Variants in DLGAP2 observed in about 807,000 individuals in gnomAD.
DLGAP2 encodes the protein disks large-associated protein 2.
In DLGAP2, 26 loss-of-function variants were observed where a neutral mutation model predicts 100.3. The observed-to-expected ratio is 0.26, with a 90% CI of 0.19 to 0.36. The LOEUF is 0.36. Ranked by LOEUF, DLGAP2 falls within the 10% of genes least tolerant of loss-of-function variation. DLGAP2 has a pLI of 1.00. For synonymous variants in DLGAP2, 886 were observed against 630.1 expected, an observed-to-expected ratio of 1.41 and a Z score of -6.08; for missense variants, 1,858 against 1,453.2, an observed-to-expected ratio of 1.28 and a Z score of -4.53.
Position 958,372 on chromosome 8 carries a change from G to A in DLGAP2, c.73+50406G>A, listed in dbSNP as rs572836702. Among the ~76,000 whole-genome samples, 46 of 152,190 alleles carry A rather than the reference G, an allele frequency of 3.0e-4. No homozygotes were observed. The Middle Eastern group carries it at 0.01, about 34-fold the overall frequency. ...AGTGGACACTGGGGCATGAGTATGC[G>A]TGCAGGTCCCAGTCTTCCCCTCCGT... is the stretch of plus-strand genomic sequence containing the variant. On this transcript the variant is annotated intron_variant, in intron 2 of 14. Coordinates refer to ENST00000637795, the MANE Select transcript of DLGAP2 (RefSeq NM_001346810.2).
intron 2 of DLGAP2, among the ~76,000 whole-genome samples, chr8:1,044,324 G>C (rs1382768500): frequency 6.6e-6 from 1 of 152,202 alleles, no homozygotes; most frequent in Non-Finnish European, 1.5e-5. Context: ...GCAAAACTCA[G>C]CCGTCTGTGA....
At chr8:1,276,841 C>A (rs76786040) in intron 3 of DLGAP2, among the ~76,000 whole-genome samples, 3,190 of 152,248 alleles carry the variant, frequency 0.021, 113 homozygotes, top group African/African-American at 0.074. Flanking sequence ...AAGACGTTAT[C>A]ATTTTCTCAC....
At chr8:1,218,448 G>T (rs1165782968) in intron 2 of DLGAP2, among the ~76,000 whole-genome samples, 1 of 151,978 alleles carries the variant, frequency 6.6e-6, no homozygotes, top group Non-Finnish European at 1.5e-5. Context: ...ATTGGTCTAT[G>T]TGTCTGGGTT....
chr8:1,540,756 C>A (rs1479919712), intron 4 of DLGAP2, among the ~76,000 whole-genome samples: 1 of 152,220 alleles, frequency 6.6e-6, no homozygotes, highest in African/African-American at 2.4e-5. Context: ...TCAGAAGCTG[C>A]CTGTACCTTC....
chr8:784,848 C>G (rs1020577916), intron 1 of DLGAP2, among the ~76,000 whole-genome samples: 2 of 152,114 alleles, frequency 1.3e-5, no homozygotes, highest in Non-Finnish European at 2.9e-5. Context: ...TGTTCTTTTT[C>G]TAGTTTGTAA....
intron 3 of DLGAP2, among the ~76,000 whole-genome samples, chr8:1,496,429 C>G (rs73672740): frequency 0.02 from 3,085 of 152,212 alleles, 90 homozygotes; most frequent in African/African-American, 0.069. Flanking sequence ...GTTGATGATG[C>G]AGCCACCTGG....
At chr8:1,593,529 G>T (rs535379293) in intron 6 of DLGAP2, among the ~76,000 whole-genome samples, 3 of 152,140 alleles carry the variant, frequency 2.0e-5, no homozygotes, top group African/African-American at 7.2e-5. Flanking sequence ...CTGCACCTTG[G>T]GAAAATACAA....
rs1024838339 is a variant in DLGAP2 at position 1,501,443 on chromosome 8, A to G, written c.172+12A>G. 7 of 1,535,454 alleles carry G rather than the reference A, an allele frequency of 4.6e-6. No individual in the cohort carries two copies. The highest frequency in any genetic ancestry group is 4.1e-5 in the African/African-American group (3 of 73,030). ...AGAGGAGGATCTAGGTAGAGTACAG[A>G]CGTCAGCCCCGCTCTGGCGGGGCCC... On this transcript the variant is annotated intron_variant, in intron 4 of 14. Coordinates refer to ENST00000637795, the MANE Select transcript of DLGAP2 (RefSeq NM_001346810.2).
intron 3 of DLGAP2, among the ~76,000 whole-genome samples, chr8:1,442,737 C>A (rs1437688920): frequency 3.4e-5 from 5 of 148,120 alleles, no homozygotes; most frequent in African/African-American, 1.3e-4. Flanking sequence ...CGCCAGGCTG[C>A]TGTGGGTTCA....
chr8:1,073,036 A>T (rs1803483944), intron 2 of DLGAP2, among the ~76,000 whole-genome samples: 1 of 152,178 alleles, frequency 6.6e-6, no homozygotes, highest in Admixed American at 6.5e-5. Context: ...CTCTGATCTT[A>T]TGTTGTCACA....
rs111622004 is a variant in DLGAP2, at chr8:1,131,808, A to G, written c.74-127043A>G. On this transcript the variant is annotated intron_variant, in intron 2 of 14. Transcript: ENST00000637795. ...TTATCCAGAATATCTTTTGAATTCT[A>G]TGCTTTTTGGGGACATCTGAGTTAT... 7.2e-3 allele frequency among the ~76,000 whole-genome samples: 1,097 copies of G among 152,298 alleles called. 12 individuals carry two copies. The highest frequency in any genetic ancestry group is 0.024 in the African/African-American group (986 of 41,550).
In DLGAP2 at chr8:1,497,771, G is replaced by C. The variant is rs1799592708; in HGVS notation, c.107-3595G>C. ...TACGGTAGTCCCCGCTGTCCACGGG[G>C]ACATGTTCCAAGACCCCTAGCAGAT... On this transcript the variant is annotated intron_variant, in intron 3 of 14. Transcript: ENST00000637795. Among the ~76,000 whole-genome samples the C allele has an allele frequency of 3.9e-5, 6 of 152,310 alleles. No individual in the cohort carries two copies. In the South Asian group the frequency reaches 1.2e-3, roughly 32 times the overall value.
intron 3 of DLGAP2, among the ~76,000 whole-genome samples, chr8:1,471,356 T>C (rs141438081): frequency 0.19 from 5,048 of 26,064 alleles, 607 homozygotes; most frequent in East Asian, 0.54. Context: ...CCCCTCCAGC[T>C]TTTCCCGACC....
intron 2 of DLGAP2, chr8:927,302 G>C (rs1376191997): frequency 1.1e-6 from 1 of 900,014 alleles, no homozygotes; most frequent in Non-Finnish European, 1.3e-6. Context: ...TGTGGCGACT[G>C]TTTTCTTACT....
intron 2 of DLGAP2, among the ~76,000 whole-genome samples, chr8:1,097,840 G>A (rs1482295647): frequency 1.4e-5 from 2 of 146,792 alleles, no homozygotes; most frequent in African/African-American, 2.5e-5. Context: ...GGCAGCCCGG[G>A]GCAGGCCTTC....
intron 2 of DLGAP2, among the ~76,000 whole-genome samples, chr8:1,130,430 A>G (rs1233258279): frequency 9.2e-5 from 14 of 152,358 alleles, no homozygotes; most frequent in African/African-American, 3.4e-4. Context: ...AAGATAAACC[A>G]GGAGCAGAAG....
At chr8:1,602,163 A>T (rs977582608) in intron 6 of DLGAP2, among the ~76,000 whole-genome samples, 2 of 152,210 alleles carry the variant, frequency 1.3e-5, no homozygotes, top group African/African-American at 2.4e-5. Context: ...AGCATCATTC[A>T]CAACACATAT....
intron 2 of DLGAP2, among the ~76,000 whole-genome samples, chr8:948,921 C>T (rs966473942): frequency 6.6e-6 from 1 of 150,742 alleles, no homozygotes; most frequent in African/African-American, 2.4e-5. Flanking sequence ...CTGCCGCCAT[C>T]TTGGCGGGGG....
rs557850820 is a variant in DLGAP2 at position 1,009,573 on chromosome 8, A to T, written c.73+101607A>T. Among the ~76,000 whole-genome samples the T allele has an allele frequency of 1.3e-3, 197 of 152,332 alleles. 2 individuals are homozygous for T. The highest frequency in any genetic ancestry group is 0.01 in the Middle Eastern group (3 of 294). ...GAATTTTTTTGAGCTCACACTGTTC[A>T]TAGTGGAAGTGGATGGAGTCAGTGA... is the stretch of plus-strand genomic sequence containing the variant. On this transcript the variant is annotated intron_variant, in intron 2 of 14. Coordinates refer to ENST00000637795, the MANE Select transcript of DLGAP2 (RefSeq NM_001346810.2).
Sources: gnomAD v4.1 joint callset for allele counts (sites outside exome capture counted in the v4.1 genomes callset) on GRCh38, gnomAD v4.1.1 for gene constraint, MANE v1.5 for transcripts, NCBI Gene and HGNC (gene_info 2026-07-23, HGNC 2026-07-21) for gene names.